The following CEBPZ variants were observed in gnomAD, a reference collection of about 807,000 sequenced individuals.
CEBPZ encodes the protein CCAAT enhancer binding protein zeta, also known as CCAAT/enhancer-binding protein zeta.
A neutral mutation model predicts 104.5 loss-of-function variants in CEBPZ; 78 were observed. That is an observed-to-expected ratio of 0.75 (90% CI 0.62 to 0.90). The LOEUF is 0.90. Ranked by LOEUF, CEBPZ falls within the 40% of genes least tolerant of loss-of-function variation. The pLI, the probability that CEBPZ is intolerant of heterozygous loss-of-function variation, is 0.00. For synonymous variants in CEBPZ, 470 were observed against 427.0 expected (o/e 1.10, Z -1.24); for missense variants, 1,439 against 1,233.5 (o/e 1.17, Z -2.50).
rs1285034709 is a variant in CEBPZ, at chr2:37,211,853, C to T, written c.2790G>A (p.Glu930=). The T allele has an allele frequency of 2.5e-6, 4 of 1,599,050 alleles. No individual in the cohort carries two copies. The highest frequency in any genetic ancestry group is 3.4e-6 in the Non-Finnish European group (4 of 1,174,642). ...TTAAAAAATGCTTACCTGGAACGCT[C>T]TCACTTTCATCATCTAACACATCCA... ...TFMDVLDDES[E]SVPELEVHSK... Residue 930 remains glutamate, a synonymous_variant, in exon 12 of 16, where the codon GAG becomes GAA. Coordinates refer to ENST00000234170, the MANE Select transcript of CEBPZ (RefSeq NM_005760.3).
chr2:37,216,869 C>T, intron 6 of CEBPZ, 115 bp downstream of exon 6: 2 of 834,088 alleles, frequency 2.4e-6, no homozygotes, highest in South Asian at 1.7e-5. Flanking sequence ...TTTATACGAG[C>T]AGTAAAATGT....
At chr2:37,213,106 G>GT (rs1677779960) in intron 10 of CEBPZ, among the ~76,000 whole-genome samples, 1 of 152,040 alleles carries the variant, frequency 6.6e-6, no homozygotes, top group South Asian at 2.1e-4. Flanking sequence ...TGAAATCAGT[G>GT]TAAGTCTTTC....
At chr2:37,207,489 C>T (rs1677578853) in intron 13 of CEBPZ, among the ~76,000 whole-genome samples, 1 of 152,130 alleles carries the variant, frequency 6.6e-6, no homozygotes, top group Admixed American at 6.5e-5. Context: ...TGGAAATTAA[C>T]TCCAAAAGGA....
intron 13 of CEBPZ, chr2:37,209,943 C>T (rs1443936974): frequency 6.6e-6 from 1 of 152,004 alleles, no homozygotes; most frequent in Non-Finnish European, 1.5e-5. Context: ...AAGAAAAAAA[C>T]AATCCCATCA....
intron 13 of CEBPZ, chr2:37,210,434 C>A (rs541737199): frequency 6.6e-6 from 1 of 152,228 alleles, no homozygotes; most frequent in Admixed American, 6.5e-5. Context: ...TGGAATGCTA[C>A]TCATCCATAA....
At chr2:37,219,641 C>T (rs1664717227) in intron 5 of CEBPZ, among the ~76,000 whole-genome samples, 4 of 152,106 alleles carry the variant, frequency 2.6e-5, no homozygotes, top group African/African-American at 9.7e-5. Flanking sequence ...GGTCTGGCCG[C>T]ACTTTGAGAA....
At chr2:37,229,138 G>C (rs1337404457) in intron 1 of CEBPZ, 102 bp from the exon 2 acceptor site, 2 of 1,070,504 alleles carry the variant, frequency 1.9e-6, no homozygotes, top group East Asian at 6.0e-5. Context: ...TTCGGAACTG[G>C]AAAAATCCTT....
rs559180915 is a variant in CEBPZ, at chr2:37,217,920, A to C, written c.2155-883T>G. Among the ~76,000 whole-genome samples the C allele has an allele frequency of 3.7e-4, 55 of 149,324 alleles. 1 individual carries two copies. The highest frequency in any genetic ancestry group is 1.3e-3 in the African/African-American group (52 of 40,754). ...CTGTCTCAAAAAAAAAAAACAAAAA[A>C]CAAAAACAAAAACCATAAAGCTACT... On this transcript the variant is annotated intron_variant, in intron 5 of 15. Transcript: ENST00000234170.
chr2:37,229,582 G>A (rs1664982273), intron 1 of CEBPZ, among the ~76,000 whole-genome samples: 1 of 152,108 alleles, frequency 6.6e-6, no homozygotes, highest in African/African-American at 2.4e-5. Flanking sequence ...TGGCGGAAAC[G>A]GCACTTTCAT....
intron 13 of CEBPZ, among the ~76,000 whole-genome samples, chr2:37,207,979 A>G (rs965660305): frequency 2.6e-5 from 4 of 152,168 alleles, no homozygotes; most frequent in Non-Finnish European, 5.9e-5. Context: ...TACAACCGAT[A>G]CCACAGAAAT....
In CEBPZ at chr2:37,203,167, G is replaced by GAGTT. The variant is rs1572488097; in HGVS notation, c.2885-163_2885-160dup. The GAGTT allele has an allele frequency of 8.0e-6, 4 of 497,114 alleles. No individual in the cohort carries two copies. In the East Asian group the frequency reaches 1.3e-4, roughly 17 times the overall value. 30.8% of individuals were successfully genotyped at this position (497,114 alleles called of 1,614,324 possible). ...TAGCTGGCATTTAAATATAATTTAA[G>GAGTT]AGTTAGTATATAATATTTTCAAAAA... On this transcript the variant is annotated intron_variant, in intron 13 of 15. Transcript: ENST00000234170.
chr2:37,229,184 A>C (rs1051638981), intron 1 of CEBPZ, 148 bp from the exon 2 acceptor site: 1 of 645,400 alleles, frequency 1.5e-6, no homozygotes, highest in Non-Finnish European at 2.4e-6. Flanking sequence ...CCACAAAGGA[A>C]AGGATAAGTA....
intron 2 of CEBPZ, among the ~76,000 whole-genome samples, chr2:37,225,029 AC>A (rs1441273698): frequency 6.8e-6 from 1 of 146,858 alleles, no homozygotes; most frequent in African/African-American, 2.6e-5. Flanking sequence ...TAATGAAACC[AC>A]CCCCCTTCAA....
chr2:37,224,317 T>C (rs1337408448), intron 2 of CEBPZ, among the ~76,000 whole-genome samples: 2 of 152,250 alleles, frequency 1.3e-5, no homozygotes, highest in East Asian at 3.8e-4. Flanking sequence ...CCAACCGGTC[T>C]AGACCTGCAG....
In CEBPZ at chr2:37,216,372, A is replaced by T; in HGVS notation, c.2255T>A (p.Leu752Gln). ...TACAAATCGATCCAAAAATCTCATT[A>T]GAGTGAAATCCTGCAGTGGGTCCCC... Reference protein sequence around the residue: ...YSGDPLQDFTLMRFLDRFVYR... With the variant: ...YSGDPLQDFTQMRFLDRFVYR... The change falls in exon 7 of 16, where the codon CTA (leucine) becomes CAA (glutamine). Residue 752 changes from leucine to glutamine, a missense_variant. Transcript: ENST00000234170. 1 of 1,613,950 alleles carries T rather than the reference A, an allele frequency of 6.2e-7. No individual in the cohort carries two copies. The highest frequency in any genetic ancestry group is 8.5e-7 in the Non-Finnish European group (1 of 1,179,932).
At position 37,231,579 on chromosome 2, in the gene CEBPZ, C is replaced by A. The variant is rs201164266; in HGVS notation, c.-12G>T. The stretch of plus-strand genomic sequence containing the variant: ...TTGACTGCGGCCATGGCGGGCAAAG[C>A]ATACGCGCGTGAAACTCAGCCTATT... On this transcript the variant is annotated 5_prime_UTR_variant, in exon 1 of 16. An upstream start codon of the reference 5' UTR is lost. Transcript: ENST00000234170. 245 of 1,614,130 alleles carry A rather than the reference C, an allele frequency of 1.5e-4. 3 individuals are homozygous for A. Among genetic ancestry groups the A allele is most frequent in the Non-Finnish European group, 3.7e-5 (44 of 1,180,060 alleles).
chr2:37,204,152 G>A (rs1677426652), intron 13 of CEBPZ: 1 of 152,042 alleles, frequency 6.6e-6, no homozygotes, highest in Non-Finnish European at 1.5e-5. Context: ...ATCCTGTAGT[G>A]ATGTATCTGT....
intron 2 of CEBPZ, among the ~76,000 whole-genome samples, chr2:37,224,166 G>A (rs1664830255): frequency 6.6e-6 from 1 of 152,142 alleles, no homozygotes; most frequent in Non-Finnish European, 1.5e-5. Context: ...ACCTTTACAT[G>A]ACAGTTTTCC....
At chr2:37,231,308 G>A (rs1400744678) in intron 1 of CEBPZ, 104 bp downstream of exon 1, 1 of 1,518,070 alleles carries the variant, frequency 6.6e-7, no homozygotes, top group Non-Finnish European at 9.1e-7. Context: ...TCTCGGTCCT[G>A]GACGCCCGCG....
Sources: allele counts gnomAD v4.1 joint callset (sites outside exome capture counted in the v4.1 genomes callset), GRCh38; gene constraint gnomAD v4.1.1; transcripts MANE v1.5; gene names NCBI Gene and HGNC (gene_info 2026-07-23, HGNC 2026-07-21).